MIPEP: variants seen among roughly 807,000 people sequenced by gnomAD.
The protein encoded by MIPEP is mitochondrial intermediate peptidase.
Under a neutral mutation model 90.3 loss-of-function variants are expected in MIPEP, and 79 were observed. The ratio of observed to expected loss-of-function variants is 0.87; its 90% CI spans 0.73 to 1.05. The LOEUF is 1.05. MIPEP is among the 50% of genes least tolerant of loss of function. The pLI is 0.00. For missense variants in MIPEP, 940 were observed against 905.6 expected, an observed-to-expected ratio of 1.04 and a Z score of -0.49; for synonymous variants, 334 against 315.8, an observed-to-expected ratio of 1.06 and a Z score of -0.61.
intron 10 of MIPEP, among the ~76,000 whole-genome samples, chr13:23,852,949 A>T (rs1265171902): frequency 6.6e-6 from 1 of 152,202 alleles, no homozygotes. Context: ...AAAAAAATTT[A>T]AAAAGTACAA....
intron 16 of MIPEP, among the ~76,000 whole-genome samples, chr13:23,780,563 G>C (rs1160863653): frequency 6.6e-6 from 1 of 152,188 alleles, no homozygotes; most frequent in Non-Finnish European, 1.5e-5. Context: ...CCCTCCAAAG[G>C]AACACAGCTC....
intron 2 of MIPEP, among the ~76,000 whole-genome samples, chr13:23,884,350 A>C (rs1319803665): frequency 6.6e-6 from 1 of 152,232 alleles, no homozygotes; most frequent in Non-Finnish European, 1.5e-5. Flanking sequence ...AAAAGAAGTC[A>C]ATTTTACAGA....
chr13:23,750,302 G>T (rs1185150461), intron 18 of MIPEP, among the ~76,000 whole-genome samples: 2 of 152,110 alleles, frequency 1.3e-5, no homozygotes, highest in Admixed American at 1.3e-4. Flanking sequence ...AAAACTAGCT[G>T]TCTTTTTTCT....
chr13:23,791,897 A>G (rs946529870), intron 16 of MIPEP, among the ~76,000 whole-genome samples: 1 of 152,178 alleles, frequency 6.6e-6, no homozygotes, highest in Non-Finnish European at 1.5e-5. Context: ...GTTCTTATCC[A>G]AGTCAATAAC....
intron 5 of MIPEP, 122 bp downstream of exon 5, chr13:23,874,722 TAA>T: frequency 1.3e-6 from 1 of 748,814 alleles, no homozygotes; most frequent in Non-Finnish European, 2.1e-6. Context: ...TCATAACAGA[TAA>T]AAGACCTGCA....
chr13:23,862,177 A>G, intron 9 of MIPEP, 125 bp downstream of exon 9: 2 of 661,792 alleles, frequency 3.0e-6, no homozygotes, highest in Middle Eastern at 2.8e-4. Flanking sequence ...ATTCACCAAA[A>G]CCGAGGATCA....
intron 18 of MIPEP, among the ~76,000 whole-genome samples, chr13:23,733,964 G>T (rs1593122378): frequency 1.3e-5 from 2 of 152,192 alleles, no homozygotes; most frequent in African/African-American, 4.8e-5. Flanking sequence ...TGGCCCAGCT[G>T]TGTCACTAAG....
At chr13:23,796,134 A>G (rs1455679994) in intron 16 of MIPEP, among the ~76,000 whole-genome samples, 1 of 152,064 alleles carries the variant, frequency 6.6e-6, no homozygotes, top group Non-Finnish European at 1.5e-5. Context: ...AAAATTGACT[A>G]TCGGCAGGAT....
rs1443559342 is a variant in MIPEP, at chr13:23,884,219, GA to G, written c.363+2113del. Reference sequence around the variant, plus strand: ...TTAGTGGTTGCCAGAGGTTAGTGGGGAGGGGGGGGTGTGACTACAGGGAGAT... The same window carrying G: ...TTAGTGGTTGCCAGAGGTTAGTGGGGGGGGGGGGTGTGACTACAGGGAGAT... On this transcript the variant is annotated intron_variant, in intron 2 of 18. Coordinates refer to ENST00000382172, the MANE Select transcript of MIPEP (RefSeq NM_005932.4). 5.8e-3 allele frequency among the ~76,000 whole-genome samples: 865 copies of G among 148,582 alleles called. 14 individuals carry two copies. The highest frequency in any genetic ancestry group is 0.018 in the African/African-American group (715 of 40,022).
At chr13:23,743,872 AT>A (rs1197144544) in intron 18 of MIPEP, among the ~76,000 whole-genome samples, 1 of 152,150 alleles carries the variant, frequency 6.6e-6, no homozygotes, top group African/African-American at 2.4e-5. Flanking sequence ...GCTCCTTTCC[AT>A]TTCTTTCTTC....
chr13:23,839,626 C>T, intron 12 of MIPEP, 23 bp downstream of exon 12: 1 of 1,564,560 alleles, frequency 6.4e-7, no homozygotes, highest in Non-Finnish European at 8.8e-7. Context: ...TCTAGAGAGA[C>T]CAGTTTATAA....
At position 23,824,203 on chromosome 13, in the gene MIPEP, T is replaced by C. The variant is rs116039694; in HGVS notation, c.1653+12037A>G. Among the ~76,000 whole-genome samples, 434 of 152,360 alleles carry C rather than the reference T, an allele frequency of 2.8e-3. 2 individuals are homozygous for C. Among genetic ancestry groups the C allele is most frequent in the Middle Eastern group, 0.017 (5 of 294 alleles). ...GTTGTAAGCATGTAATCTCATAAACTTGCTAAGTATTCTCTAACATTTCAC... is the reference window on the plus strand; with the variant it reads ...GTTGTAAGCATGTAATCTCATAAACCTGCTAAGTATTCTCTAACATTTCAC... On this transcript the variant is annotated intron_variant, in intron 14 of 18. Coordinates refer to ENST00000382172, the MANE Select transcript of MIPEP (RefSeq NM_005932.4).
intron 14 of MIPEP, among the ~76,000 whole-genome samples, chr13:23,833,690 T>G (rs956452194): frequency 1.3e-5 from 2 of 152,164 alleles, no homozygotes; most frequent in Non-Finnish European, 2.9e-5. Context: ...TAAAAAAAAT[T>G]GACATTTGTA....
chr13:23,759,469 C>T (rs1243114066), intron 17 of MIPEP, among the ~76,000 whole-genome samples: 1 of 151,026 alleles, frequency 6.6e-6, no homozygotes, highest in Non-Finnish European at 1.5e-5. Flanking sequence ...CCCCACACCC[C>T]CAAGACAGCA....
intron 18 of MIPEP, among the ~76,000 whole-genome samples, chr13:23,738,319 AT>A (rs1195447048): frequency 1.3e-5 from 2 of 151,804 alleles, no homozygotes; most frequent in Non-Finnish European, 2.9e-5. Context: ...TTTCTTGGTG[AT>A]TTTTTTTAGC....
chr13:23,799,766 T>C (rs1953012359), intron 16 of MIPEP, among the ~76,000 whole-genome samples: 1 of 152,252 alleles, frequency 6.6e-6, no homozygotes, highest in African/African-American at 2.4e-5. Flanking sequence ...TGTTGGTGTT[T>C]GTTCTAACGA....
At chr13:23,882,873 A>G (rs1370935485) in intron 2 of MIPEP, among the ~76,000 whole-genome samples, 3 of 152,106 alleles carry the variant, frequency 2.0e-5, no homozygotes, top group Non-Finnish European at 4.4e-5. Flanking sequence ...TTTTTTACAA[A>G]TTACTAATCT....
chr13:23,808,121 CAG>C (rs1953131770), intron 15 of MIPEP, among the ~76,000 whole-genome samples: 1 of 149,218 alleles, frequency 6.7e-6, no homozygotes, highest in African/African-American at 2.5e-5. Context: ...TTTTTTGAGA[CAG>C]AGTCTCGCCC....
At chr13:23,809,752 T>C in intron 15 of MIPEP, 98 bp downstream of exon 15, 1 of 783,430 alleles carries the variant, frequency 1.3e-6, no homozygotes, top group Non-Finnish European at 2.1e-6. Flanking sequence ...AGAAGCATAA[T>C]TATTATAATA....
Sources: gnomAD v4.1 joint callset for allele counts (sites outside exome capture counted in the v4.1 genomes callset) on GRCh38, gnomAD v4.1.1 for gene constraint, MANE v1.5 for transcripts, NCBI Gene and HGNC (gene_info 2026-07-23, HGNC 2026-07-21) for gene names.